Variants in EPHA7 observed in about 807,000 individuals in gnomAD.
EPHA7 encodes the protein EPH receptor A7.
Under a neutral mutation model 112.6 loss-of-function variants are expected in EPHA7, and 25 were observed. The ratio of observed to expected loss-of-function variants is 0.22; its 90% CI spans 0.16 to 0.31. The LOEUF (loss-of-function observed/expected upper bound fraction) is 0.31. Ranked by LOEUF, EPHA7 falls within the 10% of genes least tolerant of loss-of-function variation. EPHA7 has a pLI of 1.00. For synonymous variants in EPHA7, 437 were observed against 406.5 expected (o/e 1.07, Z -0.90); for missense variants, 962 against 1,212.6 (o/e 0.79, Z 3.07).
Position 93,287,199 on chromosome 6 carries a change from A to G in EPHA7, c.1325-14777T>C, listed in dbSNP as rs922017384. On this transcript the variant is annotated intron_variant, in intron 5 of 16. Transcript: ENST00000369303. ...AGATTTTGTGTAAACTCTCCCATGAAAATAAAATTGTTTCTCAAGCCTATA... is the reference window on the plus strand; with the variant it reads ...AGATTTTGTGTAAACTCTCCCATGAGAATAAAATTGTTTCTCAAGCCTATA... Among the ~76,000 whole-genome samples, 10 of 152,286 alleles carry G rather than the reference A, an allele frequency of 6.6e-5. No individual in the cohort carries two copies. The East Asian group carries it at 1.9e-3, about 29-fold the overall frequency.
At chr6:93,270,126 T>C (rs1373383467) in intron 6 of EPHA7, among the ~76,000 whole-genome samples, 2 of 151,648 alleles carry the variant, frequency 1.3e-5, no homozygotes, top group African/African-American at 4.8e-5. Flanking sequence ...ACACTACTAC[T>C]ATACTGACAT....
chr6:93,310,747 AAAAATACTTCATTACT>A (rs1396825539), intron 5 of EPHA7, among the ~76,000 whole-genome samples: 1 of 152,196 alleles, frequency 6.6e-6, no homozygotes, highest in Non-Finnish European at 1.5e-5. Flanking sequence ...ATCTTCATTA[AAAAATACTTCATTACT>A]AAAAACTGCT....
At chr6:93,283,695 A>G (rs888723053) in intron 5 of EPHA7, among the ~76,000 whole-genome samples, 7 of 152,232 alleles carry the variant, frequency 4.6e-5, no homozygotes, top group Admixed American at 3.9e-4. Context: ...ACACATCCGA[A>G]TATCAGAAGA....
chr6:93,336,488 T>G (rs573130207), intron 5 of EPHA7, among the ~76,000 whole-genome samples: 4 of 152,104 alleles, frequency 2.6e-5, no homozygotes, highest in Admixed American at 1.3e-4. Context: ...CTGTAACCAC[T>G]GCCTCCTGGG....
chr6:93,276,124 T>C (rs917437218), intron 5 of EPHA7, among the ~76,000 whole-genome samples: 3 of 151,982 alleles, frequency 2.0e-5, no homozygotes, highest in African/African-American at 7.2e-5. Flanking sequence ...GTAAATTCCA[T>C]GGCCAAAAGA....
intron 5 of EPHA7, among the ~76,000 whole-genome samples, chr6:93,334,175 A>C (rs2127907884): frequency 6.6e-6 from 1 of 152,140 alleles, no homozygotes; most frequent in Non-Finnish European, 1.5e-5. Context: ...TTTATTCAAT[A>C]AATGGTGCTC....
At chr6:93,337,815 C>G (rs1394494886) in intron 5 of EPHA7, among the ~76,000 whole-genome samples, 1 of 152,068 alleles carries the variant, frequency 6.6e-6, no homozygotes, top group Non-Finnish European at 1.5e-5. Context: ...TTCTCAGGAA[C>G]AGCTTGCTCT....
intron 5 of EPHA7, among the ~76,000 whole-genome samples, chr6:93,326,000 C>G (rs1162172797): frequency 6.6e-6 from 1 of 151,340 alleles, no homozygotes; most frequent in African/African-American, 2.4e-5. Context: ...TCAATGAGAT[C>G]TAACAAAGAG....
At chr6:93,352,844 C>T (rs1374960437) in intron 5 of EPHA7, among the ~76,000 whole-genome samples, 2 of 151,980 alleles carry the variant, frequency 1.3e-5, no homozygotes, top group Non-Finnish European at 2.9e-5. Context: ...AAGAGAAAAC[C>T]AAATACCACA....
rs1779146079 is a variant in EPHA7, at chr6:93,414,808, C to CTTG, written c.98-42_98-41insCAA. On this transcript the variant is annotated intron_variant, in intron 1 of 16. Transcript: ENST00000369303. ...GTATTTCCATATGTTACATGAAACA[C>CTTG]TTACGCACACATGTAGACATTTTTA... The CTTG allele has an allele frequency of 2.7e-6, 4 of 1,498,810 alleles. No homozygotes were observed. The African/African-American group carries it at 5.5e-5, about 21-fold the overall frequency. 92.8% of individuals were successfully genotyped at this position (1,498,810 alleles called of 1,614,324 possible).
intron 5 of EPHA7, among the ~76,000 whole-genome samples, chr6:93,291,342 C>G (rs943258609): frequency 6.6e-6 from 1 of 152,108 alleles, no homozygotes; most frequent in Non-Finnish European, 1.5e-5. Flanking sequence ...AATTCTAAGG[C>G]TTTTACGGTT....
chr6:93,299,648 A>T (rs1405504021), intron 5 of EPHA7, among the ~76,000 whole-genome samples: 2 of 152,176 alleles, frequency 1.3e-5, no homozygotes, highest in African/African-American at 4.8e-5. Context: ...TACCCAGAGG[A>T]ATATAAATCT....
intron 5 of EPHA7, among the ~76,000 whole-genome samples, chr6:93,326,312 C>A (rs956629066): frequency 7.3e-5 from 11 of 151,184 alleles, no homozygotes; most frequent in African/African-American, 2.7e-4. Context: ...AAAATCACAA[C>A]CCTAATTTCA....
rs114367584 is a variant in EPHA7, at chr6:93,403,237, G to A, written c.832+7264C>T. 5.9e-5 allele frequency among the ~76,000 whole-genome samples: 9 copies of A among 152,002 alleles called. 1 individual carries two copies. Among genetic ancestry groups the A allele is most frequent in the South Asian group, 4.2e-4 (2 of 4,816 alleles). On this transcript the variant is annotated intron_variant, in intron 3 of 16. Transcript: ENST00000369303. ...AAATTCACTGAATTAAATGAATTCA[G>A]AGAAAGAAAATCTTTGCTTTGCCAG...
intron 2 of EPHA7, among the ~76,000 whole-genome samples, chr6:93,414,425 A>C (rs1779123804): frequency 1.3e-5 from 2 of 151,922 alleles, no homozygotes; most frequent in African/African-American, 4.8e-5. Flanking sequence ...CCCTGTAATT[A>C]GTTAGCATTT....
chr6:93,347,266 A>G (rs1168120133), intron 5 of EPHA7, among the ~76,000 whole-genome samples: 2 of 151,900 alleles, frequency 1.3e-5, no homozygotes, highest in Non-Finnish European at 2.9e-5. Context: ...TAACTTTTAT[A>G]TTGGATGTTC....
Position 93,240,629 on chromosome 6 carries a change from TA to T in EPHA7, c.*2796del. ...CAGGTCAAGTGTGAGGACAGTGTTCTAAAAAAGGTGGCTCTATTAAAGCAAG... is the reference window on the plus strand; with the variant it reads ...CAGGTCAAGTGTGAGGACAGTGTTCTAAAAAGGTGGCTCTATTAAAGCAAG... On this transcript the variant is annotated 3_prime_UTR_variant, in exon 17 of 17. Transcript: ENST00000369303. 9.2e-6 allele frequency: 2 copies of T among 216,278 alleles called. No homozygotes were observed. Among genetic ancestry groups the T allele is most frequent in the Non-Finnish European group, 1.9e-5 (2 of 107,380 alleles). 13.4% of individuals were successfully genotyped at this position (216,278 alleles called of 1,614,324 possible).
At chr6:93,264,743 T>C (rs993680591) in intron 7 of EPHA7, 41 bp from the exon 8 acceptor site, 5 of 1,217,382 alleles carry the variant, frequency 4.1e-6, no homozygotes, top group South Asian at 1.4e-5. Flanking sequence ...CTTGACACCA[T>C]GCAAGAACTT....
intron 3 of EPHA7, among the ~76,000 whole-genome samples, chr6:93,403,274 T>C (rs1226130039): frequency 1.3e-5 from 2 of 151,892 alleles, no homozygotes. Context: ...GGATAGTTTA[T>C]GAGTAATTCT....
Sources: gnomAD v4.1 joint callset for allele counts (sites outside exome capture counted in the v4.1 genomes callset) on GRCh38, gnomAD v4.1.1 for gene constraint, MANE v1.5 for transcripts, NCBI Gene and HGNC (gene_info 2026-07-23, HGNC 2026-07-21) for gene names.